Variants in ZNF423 observed in about 807,000 individuals in gnomAD.
ZNF423 encodes the protein Ebf-associated zinc finger protein.
Under a neutral mutation model 95.8 loss-of-function variants are expected in ZNF423, and 12 were observed. The ratio of observed to expected loss-of-function variants is 0.13; its 90% CI spans 0.08 to 0.20. ZNF423 has a LOEUF of 0.20. Ranked by LOEUF, ZNF423 falls within the 10% of genes least tolerant of loss-of-function variation. The pLI, the probability that ZNF423 is intolerant of heterozygous loss-of-function variation, is 1.00. For synonymous variants in ZNF423, 749 were observed against 711.9 expected, an observed-to-expected ratio of 1.05 and a Z score of -0.83; for missense variants, 1,316 against 1,737.1, an observed-to-expected ratio of 0.76 and a Z score of 4.31.
intron 2 of ZNF423, among the ~76,000 whole-genome samples, chr16:49,759,493 C>G (rs1271210196): frequency 6.6e-6 from 1 of 152,202 alleles, no homozygotes; most frequent in African/African-American, 2.4e-5. Context: ...CTAGCCAGCC[C>G]AGGGTCAACT....
intron 1 of ZNF423, chr16:49,854,148 C>A: frequency 2.0e-6 from 2 of 985,376 alleles, no homozygotes; most frequent in Non-Finnish European, 2.4e-6. Context: ...AATCAGAACA[C>A]CCTCTGAACC....
intron 3 of ZNF423, among the ~76,000 whole-genome samples, chr16:49,655,553 C>G (rs1596800863): frequency 6.6e-6 from 1 of 152,174 alleles, no homozygotes; most frequent in Non-Finnish European, 1.5e-5. Context: ...GCTGAACACT[C>G]AAGTCACTGT....
chr16:49,557,056 T>C (rs1268484708), intron 5 of ZNF423, among the ~76,000 whole-genome samples: 1 of 152,212 alleles, frequency 6.6e-6, no homozygotes, highest in Non-Finnish European at 1.5e-5. Context: ...GCCATTTTGG[T>C]GCCCGCTGTC....
At chr16:49,669,235 G>T (rs1439991654) in intron 3 of ZNF423, among the ~76,000 whole-genome samples, 2 of 151,866 alleles carry the variant, frequency 1.3e-5, no homozygotes, top group Non-Finnish European at 2.9e-5. Context: ...AGGCTGAGGT[G>T]GGAGAATCAC....
rs528870002 is a variant in ZNF423, at chr16:49,850,659, C to T, written c.40+5076G>A. ...CCTATGTCAAAGAGTGAACTAAACGCACCCACCACCTTGGCAAAAACGATG... is the reference window on the plus strand; with the variant it reads ...CCTATGTCAAAGAGTGAACTAAACGTACCCACCACCTTGGCAAAAACGATG... On this transcript the variant is annotated intron_variant, in intron 1 of 7. Transcript: ENST00000563137. Among the ~76,000 whole-genome samples, 27 of 152,292 alleles carry T rather than the reference C, an allele frequency of 1.8e-4. No individual in the cohort carries two copies. The East Asian group carries it at 5.0e-3, about 28-fold the overall frequency.
intron 5 of ZNF423, among the ~76,000 whole-genome samples, chr16:49,541,848 C>T (rs532029881): frequency 2.0e-5 from 3 of 152,314 alleles, no homozygotes; most frequent in South Asian, 2.1e-4. Flanking sequence ...GACATGTTTG[C>T]TTCCCCTTCT....
In ZNF423 at chr16:49,752,735, C is replaced by T. The variant is rs559582122; in HGVS notation, c.101-21764G>A. On this transcript the variant is annotated intron_variant, in intron 2 of 7. Coordinates refer to ENST00000563137, the MANE Select transcript of ZNF423 (RefSeq NM_001379286.1). ...TCCCCGTGTGACCCTAGGTTAATTACTTAACCTCTCTGAACCTCCATTTCT... is the reference window on the plus strand; with the variant it reads ...TCCCCGTGTGACCCTAGGTTAATTATTTAACCTCTCTGAACCTCCATTTCT... Among the ~76,000 whole-genome samples, 14 of 152,342 alleles carry T rather than the reference C, an allele frequency of 9.2e-5. No homozygotes were observed. The South Asian group carries it at 2.7e-3, about 29-fold the overall frequency.
intron 3 of ZNF423, among the ~76,000 whole-genome samples, chr16:49,726,842 AGAGTTC>A (rs2033027424): frequency 7.6e-6 from 1 of 131,430 alleles, no homozygotes; most frequent in Non-Finnish European, 1.6e-5. Flanking sequence ...TTTAAAAGAC[AGAGTTC>A]CCCCTAGCAA....
intron 5 of ZNF423, among the ~76,000 whole-genome samples, chr16:49,580,996 G>A (rs1035296053): frequency 3.9e-5 from 6 of 152,218 alleles, no homozygotes; most frequent in South Asian, 2.1e-4. Context: ...GTAGATGTAC[G>A]CTCCAGCCGT....
At chr16:49,659,515 C>T (rs958091090) in intron 3 of ZNF423, among the ~76,000 whole-genome samples, 3 of 152,226 alleles carry the variant, frequency 2.0e-5, no homozygotes, top group Non-Finnish European at 2.9e-5. Flanking sequence ...AGGGACTTGC[C>T]CCAGGGCAGA....
chr16:49,854,906 T>G, intron 1 of ZNF423: 2 of 984,964 alleles, frequency 2.0e-6, no homozygotes, highest in Non-Finnish European at 2.4e-6. Flanking sequence ...CCGGCCTGGG[T>G]GTCGAGGGTG....
chr16:49,858,366 G>A (rs1268069567), upstream of ZNF423, among the ~76,000 whole-genome samples: 1 of 151,912 alleles, frequency 6.6e-6, no homozygotes, highest in Non-Finnish European at 1.5e-5. The surrounding 1 kb of genome is among the most constrained non-coding windows in gnomAD (Gnocchi z 4.3). Context: ...CCCGTGCTGG[G>A]CTGATTGCCG....
At chr16:49,789,728 G>A (rs985250103) in intron 1 of ZNF423, among the ~76,000 whole-genome samples, 182 bp from the exon 2 acceptor site, 10 of 152,252 alleles carry the variant, frequency 6.6e-5, no homozygotes, top group Non-Finnish European at 1.2e-4. Context: ...TAAAATGATC[G>A]GAATAAAACA....
chr16:49,504,205 C>A (rs1967541096), intron 7 of ZNF423, among the ~76,000 whole-genome samples: 4 of 152,162 alleles, frequency 2.6e-5, no homozygotes, highest in Admixed American at 2.6e-4. Context: ...TGTCAATGTG[C>A]TGAATGCCAC....
chr16:49,540,980 C>T (rs991979402), intron 5 of ZNF423, among the ~76,000 whole-genome samples: 31 of 152,222 alleles, frequency 2.0e-4, no homozygotes, highest in African/African-American at 7.5e-4. Flanking sequence ...ACCTCCCCAA[C>T]TTCCCATGGC....
intron 4 of ZNF423, among the ~76,000 whole-genome samples, chr16:49,628,275 T>A (rs1227686999): frequency 2.0e-5 from 3 of 147,772 alleles, no homozygotes; most frequent in African/African-American, 7.6e-5. Flanking sequence ...CATCTCCCTA[T>A]CCACACATCT....
chr16:49,642,328 G>T (rs961951205), intron 3 of ZNF423, among the ~76,000 whole-genome samples: 1 of 152,162 alleles, frequency 6.6e-6, no homozygotes, highest in Non-Finnish European at 1.5e-5. Flanking sequence ...TACAGAACCT[G>T]GTCCCGAGGC....
At chr16:49,557,385 G>A (rs1324960765) in intron 5 of ZNF423, among the ~76,000 whole-genome samples, 8 of 152,216 alleles carry the variant, frequency 5.3e-5, no homozygotes, top group East Asian at 1.9e-4. Flanking sequence ...ACAAGCCAGC[G>A]ACAGTGGAGA....
chr16:49,547,142 A>C (rs1300786303), intron 5 of ZNF423, among the ~76,000 whole-genome samples: 1 of 152,132 alleles, frequency 6.6e-6, no homozygotes, highest in Non-Finnish European at 1.5e-5. Flanking sequence ...AACAACTCCC[A>C]AAATCTCAAG....
Sources: allele counts gnomAD v4.1 joint callset (sites outside exome capture counted in the v4.1 genomes callset), GRCh38; gene constraint gnomAD v4.1.1; non-coding constraint Gnocchi (gnomAD v3.1); transcripts MANE v1.5; gene names NCBI Gene and HGNC (gene_info 2026-07-23, HGNC 2026-07-21).